Variants in CHST15 observed in about 807,000 individuals in gnomAD.
CHST15 encodes B cell RAG associated protein (GALNAC4S-6ST).
Under a neutral mutation model 53.6 loss-of-function variants are expected in CHST15, and 30 were observed. The ratio of observed to expected loss-of-function variants is 0.56; its 90% CI spans 0.42 to 0.76. CHST15 has a LOEUF of 0.76. Ranked by LOEUF, CHST15 falls within the 30% of genes least tolerant of loss-of-function variation. The pLI, the probability that CHST15 is intolerant of heterozygous loss-of-function variation, is 0.00. For missense variants in CHST15, 627 were observed against 740.5 expected, an observed-to-expected ratio of 0.85 and a Z score of 1.78; for synonymous variants, 296 against 289.8, an observed-to-expected ratio of 1.02 and a Z score of -0.22.
chr10:124,076,740 C>T (rs1241907953), intron 1 of CHST15, among the ~76,000 whole-genome samples: 3 of 149,528 alleles, frequency 2.0e-5, no homozygotes, highest in Admixed American at 6.6e-5. Flanking sequence ...GACGGAGTCT[C>T]GCTCTGTCGC....
At position 124,031,360 on chromosome 10, in the gene CHST15, T is replaced by C. The variant is rs113827054; in HGVS notation, c.1190+7155A>G. ...ATATATGTTCTGAGAAATGCATCAG[T>C]AGGTGATGTCATTATGTGAATGTCA... On this transcript the variant is annotated intron_variant, in intron 5 of 7. Coordinates refer to ENST00000435907, the MANE Select transcript of CHST15 (RefSeq NM_001270764.2). Among the ~76,000 whole-genome samples, 403 of 152,214 alleles carry C rather than the reference T, an allele frequency of 2.6e-3. 2 individuals carry two copies. The highest frequency in any genetic ancestry group is 9.4e-3 in the African/African-American group (391 of 41,528).
intron 5 of CHST15, among the ~76,000 whole-genome samples, chr10:124,031,784 G>A (rs1947233205): frequency 6.6e-6 from 1 of 152,194 alleles, no homozygotes; most frequent in South Asian, 2.1e-4. Context: ...CTACCCTGGA[G>A]GTAGGACTAT....
Position 124,019,868 on chromosome 10 carries a change from C to A in CHST15, c.1347+1388G>T. On this transcript the variant is annotated intron_variant, in intron 6 of 7. Transcript: ENST00000435907. The surrounding 1 kb of genome is among the most constrained non-coding windows in gnomAD (Gnocchi z 4.6). Reference sequence around the variant, plus strand: ...CCCTGCCTCAGTGCCCCCCATCTCCCACACCAGGCGGCTGGCTGCGTTCTG... The same window carrying A: ...CCCTGCCTCAGTGCCCCCCATCTCCAACACCAGGCGGCTGGCTGCGTTCTG... 1 of 986,030 alleles carries A rather than the reference C, an allele frequency of 1.0e-6. No individual in the cohort carries two copies. 61.1% of individuals were successfully genotyped at this position (986,030 alleles called of 1,614,324 possible).
chr10:124,076,707 T>G (rs1949083151), intron 1 of CHST15, among the ~76,000 whole-genome samples: 1 of 140,182 alleles, frequency 7.1e-6, no homozygotes, highest in African/African-American at 2.9e-5. Context: ...TTTTAAATTC[T>G]TAATTTTTTT....
At position 124,009,456 on chromosome 10, in the gene CHST15, T is replaced by C. The variant is rs952899239; in HGVS notation, c.*693A>G. ...GAAAGATGAAGGTGCTGCCAAAAAC[T>C]GACTTATTTTTTTCCTTTTGGAAAC... On this transcript the variant is annotated 3_prime_UTR_variant, in exon 8 of 8. Coordinates refer to ENST00000435907, the MANE Select transcript of CHST15 (RefSeq NM_001270764.2). 2 of 988,540 alleles carry C rather than the reference T, an allele frequency of 2.0e-6. No individual in the cohort carries two copies. The highest frequency in any genetic ancestry group is 2.2e-4 in the East Asian group (2 of 8,896). The allele number at this position is 988,540 out of a possible 1,614,324, so 61.2% of individuals were successfully genotyped here.
Position 124,007,836 on chromosome 10 carries a change from A to C in CHST15, c.*2313T>G, listed in dbSNP as rs1341740889. The stretch of plus-strand genomic sequence containing the variant: ...GTCACAACTTTTGAGAACAAAAAGG[A>C]ACTTCAATACCATGTTGTGAGAAAT... On this transcript the variant is annotated 3_prime_UTR_variant, in exon 8 of 8. Coordinates refer to ENST00000435907, the MANE Select transcript of CHST15 (RefSeq NM_001270764.2). The C allele has an allele frequency of 8.1e-7, 1 of 1,232,068 alleles. No homozygotes were observed. The highest frequency in any genetic ancestry group is 4.2e-5 in the Admixed American group (1 of 23,710). The allele number at this position is 1,232,068 out of a possible 1,614,324, so 76.3% of individuals were successfully genotyped here.
Position 124,008,905 on chromosome 10 carries a change from G to A in CHST15, c.*1244C>T. On this transcript the variant is annotated 3_prime_UTR_variant, in exon 8 of 8. Coordinates refer to ENST00000435907, the MANE Select transcript of CHST15 (RefSeq NM_001270764.2). ...GACAAGATCTCTAGCCCATCCATCG[G>A]TAAACCAAGCTGCCAAGTGGCCTGG... 7.8e-7 allele frequency: 1 copy of A among 1,287,680 alleles called. No homozygotes were observed. Among genetic ancestry groups the A allele is most frequent in the African/African-American group, 1.5e-5 (1 of 65,950 alleles). The allele number at this position is 1,287,680 out of a possible 1,614,324, so 79.8% of individuals were successfully genotyped here. A position where few individuals can be genotyped will look rare whatever the true frequency, so the allele number is the denominator to read the frequency against.
Position 124,080,535 on chromosome 10 carries a change from C to T in CHST15, c.-513+12934G>A, listed in dbSNP as rs566749979. Among the ~76,000 whole-genome samples the T allele has an allele frequency of 6.6e-5, 10 of 152,346 alleles. No individual in the cohort carries two copies. In the East Asian group the frequency reaches 1.9e-3, roughly 29 times the overall value. ...GCACTGGGACCCTGTGTGTCTAACT[C>T]ACTGCTAGATCCCCAGCTCCTAGAA... On this transcript the variant is annotated intron_variant, in intron 1 of 7. Coordinates refer to ENST00000435907, the MANE Select transcript of CHST15 (RefSeq NM_001270764.2).
At chr10:124,040,117 C>T (rs2133973373) in intron 4 of CHST15, among the ~76,000 whole-genome samples, 1 of 152,264 alleles carries the variant, frequency 6.6e-6, no homozygotes, top group African/African-American at 2.4e-5. Context: ...ATATAAAGGA[C>T]AAGTGAACTC....
At chr10:124,080,439 C>G (rs1206049970) in intron 1 of CHST15, among the ~76,000 whole-genome samples, 1 of 152,212 alleles carries the variant, frequency 6.6e-6, no homozygotes, top group Non-Finnish European at 1.5e-5. Flanking sequence ...GGCCCTTATG[C>G]CTGTCTATTC....
chr10:124,009,020 T>C lies in CHST15; in HGVS notation c.*1129A>G. On this transcript the variant is annotated 3_prime_UTR_variant, in exon 8 of 8. Coordinates refer to ENST00000435907, the MANE Select transcript of CHST15 (RefSeq NM_001270764.2). ...CCAAGTTCAGCTTGTGCATTGTGTTTTGGAATTGGGACACGAGTATCTATA... is the reference window on the plus strand; with the variant it reads ...CCAAGTTCAGCTTGTGCATTGTGTTCTGGAATTGGGACACGAGTATCTATA... The C allele has an allele frequency of 1.6e-6, 2 of 1,289,210 alleles. No individual in the cohort carries two copies. Among genetic ancestry groups the C allele is most frequent in the Non-Finnish European group, 2.0e-6 (2 of 988,696 alleles). The allele number at this position is 1,289,210 out of a possible 1,614,324, so 79.9% of individuals were successfully genotyped here.
At chr10:124,013,897 C>T (rs1946498843) in intron 6 of CHST15, among the ~76,000 whole-genome samples, 1 of 152,246 alleles carries the variant, frequency 6.6e-6, no homozygotes, top group Admixed American at 6.5e-5. Context: ...GCCCCATCTA[C>T]ACCTGCCTGA....
At chr10:124,023,992 T>C (rs9422269) in intron 5 of CHST15, among the ~76,000 whole-genome samples, 55,906 of 151,866 alleles carry the variant, frequency 0.37, 10,969 homozygotes, top group East Asian at 0.66. Context: ...TATAGGCGCC[T>C]GCCATCACAC....
At chr10:124,045,581 C>T in intron 2 of CHST15, 86 bp downstream of exon 2, 1 of 1,325,572 alleles carries the variant, frequency 7.5e-7, no homozygotes, top group Non-Finnish European at 1.0e-6. Context: ...CATTTTCCTT[C>T]TGTGTTCCCA....
In CHST15 at chr10:124,042,291, G is replaced by C. The variant is rs755604967; in HGVS notation, c.1033+10C>G. ...GTGCTAGCCCTGCCAGAGTGACACAGACGCCTTACCGATAATGATTGTATT... is the reference window on the plus strand; with the variant it reads ...GTGCTAGCCCTGCCAGAGTGACACACACGCCTTACCGATAATGATTGTATT... On this transcript the variant is annotated intron_variant, in intron 4 of 7. Transcript: ENST00000435907. 1.9e-6 allele frequency: 3 copies of C among 1,605,112 alleles called. No homozygotes were observed. The highest frequency in any genetic ancestry group is 2.7e-5 in the African/African-American group (2 of 74,784).
rs773023627 is a variant in CHST15, at chr10:124,008,141, CAT to C, written c.*2006_*2007del. The C allele has an allele frequency of 6.0e-5, 74 of 1,231,054 alleles. No individual in the cohort carries two copies. The highest frequency in any genetic ancestry group is 3.1e-4 in the Middle Eastern group (1 of 3,230). The allele number at this position is 1,231,054 out of a possible 1,614,324, so 76.3% of individuals were successfully genotyped here. On this transcript the variant is annotated 3_prime_UTR_variant, in exon 8 of 8. Transcript: ENST00000435907. Reference sequence around the variant, plus strand: ...TTCTGTAAGAAGCAGAATTACACCACATGTTATTCACATGCATAGGAGTGCAT... The same window carrying C: ...TTCTGTAAGAAGCAGAATTACACCACGTTATTCACATGCATAGGAGTGCAT...
rs981037392 is a variant in CHST15 at position 124,008,987 on chromosome 10, C to T, written c.*1162G>A. The T allele has an allele frequency of 2.4e-5, 31 of 1,289,042 alleles. No homozygotes were observed. In the Admixed American group the frequency reaches 6.4e-4, roughly 27 times the overall value. 79.9% of individuals were successfully genotyped at this position (1,289,042 alleles called of 1,614,324 possible). Reference sequence around the variant, plus strand: ...CCTCATTCCAAATCTCAACACGCCACGTTCAGCCCAAGTTCAGCTTGTGCA... The same window carrying T: ...CCTCATTCCAAATCTCAACACGCCATGTTCAGCCCAAGTTCAGCTTGTGCA... On this transcript the variant is annotated 3_prime_UTR_variant, in exon 8 of 8. Coordinates refer to ENST00000435907, the MANE Select transcript of CHST15 (RefSeq NM_001270764.2).
Position 124,010,293 on chromosome 10 carries a change from T to C in CHST15, c.1542A>G (p.Ala514=), listed in dbSNP as rs1338406455. ...KQEALMTKSP[A]SNARRPEDRN... is the part of the protein sequence containing the mutation. Reference sequence around the variant, plus strand: ...GGTCCTCGGGACGCCGTGCATTGGATGCGGGGCTCTTGGTCATCAAAGCCT... The same window carrying C: ...GGTCCTCGGGACGCCGTGCATTGGACGCGGGGCTCTTGGTCATCAAAGCCT... Residue 514 remains alanine (A), a synonymous_variant, in exon 8 of 8, where the codon GCA becomes GCG. Transcript: ENST00000435907. 2 of 1,612,008 alleles carry C rather than the reference T, an allele frequency of 1.2e-6. No individual in the cohort carries two copies. The highest frequency in any genetic ancestry group is 1.7e-6 in the Non-Finnish European group (2 of 1,178,588).
At position 124,012,482 on chromosome 10, in the gene CHST15, T is replaced by G. The variant is rs775578718; in HGVS notation, c.1348-2A>C. The G allele has an allele frequency of 6.2e-7, 1 of 1,609,798 alleles. No homozygotes were observed. The highest frequency in any genetic ancestry group is 8.5e-7 in the Non-Finnish European group (1 of 1,176,884). ...ATAGAGCCCAACCTGGAGCCTCACCTAGGACCACAGAAGAAGGGCATTATT... is the reference window on the plus strand; with the variant it reads ...ATAGAGCCCAACCTGGAGCCTCACCGAGGACCACAGAAGAAGGGCATTATT... On this transcript the variant is annotated splice_acceptor_variant, in intron 6 of 7. Transcript: ENST00000435907. LOFTEE classifies it high-confidence loss of function.
Sources: allele counts gnomAD v4.1 joint callset (sites outside exome capture counted in the v4.1 genomes callset), GRCh38; gene constraint gnomAD v4.1.1; non-coding constraint Gnocchi (gnomAD v3.1); transcripts MANE v1.5; gene names NCBI Gene and HGNC (gene_info 2026-07-23, HGNC 2026-07-21).